Variants in MYBL2 observed in about 807,000 individuals in gnomAD.
MYBL2 encodes MYB proto-oncogene like 2.
Under a neutral mutation model 79.9 loss-of-function variants are expected in MYBL2, and 28 were observed. The observed-to-expected ratio is 0.35, with a 90% CI of 0.26 to 0.48. The LOEUF (loss-of-function observed/expected upper bound fraction) is 0.48, where lower values mean the gene tolerates loss of function less well. Ranked by LOEUF, MYBL2 falls within the 20% of genes least tolerant of loss-of-function variation. The pLI is 0.99. For synonymous variants in MYBL2, 378 were observed against 361.2 expected, an observed-to-expected ratio of 1.05 and a Z score of -0.53; for missense variants, 735 against 893.9, an observed-to-expected ratio of 0.82 and a Z score of 2.27.
In MYBL2 at chr20:43,716,227, A is replaced by T; in HGVS notation, c.*140A>T. 4.9e-5 allele frequency: 65 copies of T among 1,335,070 alleles called. No individual in the cohort carries two copies. The highest frequency in any genetic ancestry group is 2.0e-4 in the East Asian group (8 of 39,350). The allele number at this position is 1,335,070 out of a possible 1,614,324, so 82.7% of individuals were successfully genotyped here. A position where few individuals can be genotyped will look rare whatever the true frequency, so the allele number is the denominator to read the frequency against. On this transcript the variant is annotated 3_prime_UTR_variant, in exon 14 of 14. Transcript: ENST00000217026. Reference sequence around the variant, plus strand: ...AGCCCCTCCCCAGACTCTCAGGTGGAGGCAACAGGGCCATGTGCTGCCCTG... The same window carrying T: ...AGCCCCTCCCCAGACTCTCAGGTGGTGGCAACAGGGCCATGTGCTGCCCTG...
chr20:43,702,052 G>A (rs1987684568), intron 7 of MYBL2, among the ~76,000 whole-genome samples: 1 of 152,096 alleles, frequency 6.6e-6, no homozygotes. Flanking sequence ...GCTTGAACCC[G>A]GAAGGCGGAG....
chr20:43,673,999 G>A, intron 2 of MYBL2, 100 bp downstream of exon 2: 1 of 1,067,198 alleles, frequency 9.4e-7, no homozygotes, highest in Non-Finnish European at 1.4e-6. Flanking sequence ...GGATGAAGAG[G>A]AGGAGCCGGT....
chr20:43,667,222 C>T lies in MYBL2; in HGVS notation c.-62C>T, dbSNP rs1448735456. ...GAGCAGCCCGGGTCCTGACCCCGGC[C>T]CGGCTCCCGCTCCGGGCTCTGCCGG... On this transcript the variant is annotated 5_prime_UTR_variant, in exon 1 of 14. Coordinates refer to ENST00000217026, the MANE Select transcript of MYBL2 (RefSeq NM_002466.4). The T allele has an allele frequency of 4.3e-6, 5 of 1,173,178 alleles. No individual in the cohort carries two copies. In the African/African-American group the frequency reaches 8.0e-5, roughly 19 times the overall value. The allele number at this position is 1,173,178 out of a possible 1,614,324, so 72.7% of individuals were successfully genotyped here.
rs771098628 is a variant in MYBL2, at chr20:43,682,784, C to A, written c.187-10C>A. On this transcript the variant is annotated splice_polypyrimidine_tract_variant and intron_variant, in intron 3 of 13. Coordinates refer to ENST00000217026, the MANE Select transcript of MYBL2 (RefSeq NM_002466.4). ...TCACAGATTGGTTTGTTCTTCTGTT[C>A]TTTTCCCAGAACCGCACTGACCAGC... The A allele has an allele frequency of 1.2e-6, 2 of 1,613,636 alleles. No individual in the cohort carries two copies. The highest frequency in any genetic ancestry group is 1.7e-6 in the Non-Finnish European group (2 of 1,179,632).
intron 9 of MYBL2, among the ~76,000 whole-genome samples, chr20:43,707,022 T>A (rs996641139): frequency 2.6e-5 from 4 of 151,472 alleles, no homozygotes; most frequent in African/African-American, 9.7e-5. Flanking sequence ...CCAAAAAAAA[T>A]TTTTTTAATT....
At chr20:43,694,060 C>A (rs941707425) in intron 6 of MYBL2, among the ~76,000 whole-genome samples, 4 of 151,782 alleles carry the variant, frequency 2.6e-5, no homozygotes, top group African/African-American at 9.7e-5. Context: ...AGGCCGGGCA[C>A]GGTGGCTCAC....
At chr20:43,679,209 C>T (rs1987088750) in intron 2 of MYBL2, among the ~76,000 whole-genome samples, 1 of 152,162 alleles carries the variant, frequency 6.6e-6, no homozygotes, top group South Asian at 2.1e-4. Flanking sequence ...TGACTTTGCC[C>T]AGCCTGTGCT....
chr20:43,684,601 A>G (rs376112067), intron 4 of MYBL2, among the ~76,000 whole-genome samples: 1 of 148,848 alleles, frequency 6.7e-6, no homozygotes, highest in South Asian at 2.1e-4. Context: ...GTCTTGAACT[A>G]CAGGGCTCAA....
At chr20:43,673,944 T>C (rs1986933225) in intron 2 of MYBL2, 45 bp downstream of exon 2, 3 of 1,498,416 alleles carry the variant, frequency 2.0e-6, no homozygotes, top group Non-Finnish European at 2.7e-6. Context: ...CTGGGGGCTG[T>C]CCAGAGGAAC....
At chr20:43,690,252 C>G (rs1385584130) in intron 5 of MYBL2, among the ~76,000 whole-genome samples, 1 of 151,512 alleles carries the variant, frequency 6.6e-6, no homozygotes. Context: ...GTCGCCCAGG[C>G]TGGAGTGCAG....
chr20:43,715,119 T>C lies in MYBL2; in HGVS notation c.1825-15T>C. The C allele has an allele frequency of 1.2e-6, 2 of 1,613,686 alleles. No individual in the cohort carries two copies. On this transcript the variant is annotated splice_polypyrimidine_tract_variant and intron_variant, in intron 12 of 13. Coordinates refer to ENST00000217026, the MANE Select transcript of MYBL2 (RefSeq NM_002466.4). Reference sequence around the variant, plus strand: ...CTCGCAAAATGGTGACTCCTTGACTTGGTTTTGGTTTCAGCCGACAACTGC... The same window carrying C: ...CTCGCAAAATGGTGACTCCTTGACTCGGTTTTGGTTTCAGCCGACAACTGC...
chr20:43,706,279 G>A (rs923347043), intron 9 of MYBL2, among the ~76,000 whole-genome samples: 4 of 152,180 alleles, frequency 2.6e-5, no homozygotes, highest in African/African-American at 9.6e-5. Flanking sequence ...ATCAAGAGTG[G>A]AGACTGCATT....
At chr20:43,715,901 G>A (rs1371906804) in intron 13 of MYBL2, 58 bp from the exon 14 acceptor site, 1 of 1,540,656 alleles carries the variant, frequency 6.5e-7, no homozygotes, top group African/African-American at 1.4e-5. Context: ...AGGATCACCA[G>A]GGTCTGTTGG....
intron 2 of MYBL2, among the ~76,000 whole-genome samples, chr20:43,681,382 T>C (rs1325030938): frequency 6.6e-6 from 1 of 152,202 alleles, no homozygotes; most frequent in Non-Finnish European, 1.5e-5. Flanking sequence ...TGATAGATGG[T>C]TGAACTGATG....
At position 43,716,138 on chromosome 20, in the gene MYBL2, G is replaced by A. The variant is rs760156748; in HGVS notation, c.*51G>A. On this transcript the variant is annotated 3_prime_UTR_variant, in exon 14 of 14. Transcript: ENST00000217026. The stretch of plus-strand genomic sequence containing the variant: ...TCTCATGTTTACAGGGGTTGTGGGG[G>A]CAGAGGGGGTCTGTGAATCTGAGAG... 8.2e-6 allele frequency: 13 copies of A among 1,594,038 alleles called. No homozygotes were observed. The African/African-American group carries it at 1.7e-4, about 21-fold the overall frequency.
At chr20:43,678,831 T>G (rs1568850829) in intron 2 of MYBL2, among the ~76,000 whole-genome samples, 2 of 125,278 alleles carry the variant, frequency 1.6e-5, no homozygotes, top group Non-Finnish European at 3.1e-5. Context: ...CACTCCAGCC[T>G]GGACAACAAG....
At chr20:43,712,933 A>G in intron 11 of MYBL2, 69 bp from the exon 12 acceptor site, 1 of 1,247,976 alleles carries the variant, frequency 8.0e-7, no homozygotes, top group South Asian at 1.3e-5. Context: ...CATGGCCATG[A>G]CCATCCAGGT....
In MYBL2 at chr20:43,711,060, G is replaced by T. The variant is rs907660631; in HGVS notation, c.1606-428G>T. Among the ~76,000 whole-genome samples the T allele has an allele frequency of 3.3e-5, 5 of 152,302 alleles. No homozygotes were observed. In the East Asian group the frequency reaches 9.6e-4, roughly 29 times the overall value. ...CTGGAGAGGTCCTTGGAACCCCGAG[G>T]CCTGAGAAAGGGAAATGGGTTTGAG... On this transcript the variant is annotated intron_variant, in intron 10 of 13. Transcript: ENST00000217026.
chr20:43,701,120 GCCGGTGA>G lies in MYBL2; in HGVS notation c.951+1079_951+1085del, dbSNP rs1437600199. On this transcript the variant is annotated intron_variant, in intron 7 of 13. Transcript: ENST00000217026. ...TAGGAGACTTGGCCAGGTTCACACAGCCGGTGACCTCCAGGAACAGGAGTTAAACCTT... is the reference window on the plus strand; with the variant it reads ...TAGGAGACTTGGCCAGGTTCACACAGCCTCCAGGAACAGGAGTTAAACCTT... Among the ~76,000 whole-genome samples, 3 of 152,312 alleles carry G rather than the reference GCCGGTGA, an allele frequency of 2.0e-5. No individual in the cohort carries two copies. The East Asian group carries it at 5.8e-4, about 29-fold the overall frequency.
Sources: gnomAD v4.1 joint callset for allele counts (sites outside exome capture counted in the v4.1 genomes callset) on GRCh38, gnomAD v4.1.1 for gene constraint, MANE v1.5 for transcripts, NCBI Gene and HGNC (gene_info 2026-07-23, HGNC 2026-07-21) for gene names.